The following PKP4 variants were observed in gnomAD, a reference collection of about 807,000 sequenced individuals.
PKP4 encodes the protein plakophilin 4, also known as plakophilin-4.
PKP4 carries 90 observed loss-of-function variants against 145.1 expected under a neutral mutation model. The observed-to-expected ratio is 0.62, with a 90% CI of 0.52 to 0.74. The LOEUF (loss-of-function observed/expected upper bound fraction) is 0.74, where lower values mean the gene tolerates loss of function less well. Among genes scored for constraint, PKP4 ranks in the 30% least tolerant of loss-of-function variants. The probability of loss-of-function intolerance (pLI) is 0.00; values close to 1 mark genes in which losing one functional copy is unlikely to be tolerated. For missense variants in PKP4, 1,340 were observed against 1,482.7 expected, an observed-to-expected ratio of 0.90 and a Z score of 1.58; for synonymous variants, 563 against 577.2, an observed-to-expected ratio of 0.98 and a Z score of 0.35.
intron 1 of PKP4, among the ~76,000 whole-genome samples, chr2:158,494,426 T>C (rs2105473874): frequency 6.6e-6 from 1 of 152,302 alleles, no homozygotes; most frequent in South Asian, 2.1e-4. Flanking sequence ...GTGTTAGTTA[T>C]TTGAAAGTAG....
intron 6 of PKP4, among the ~76,000 whole-genome samples, 194 bp downstream of exon 6, chr2:158,621,615 G>T (rs371830800): frequency 6.6e-6 from 1 of 151,882 alleles, no homozygotes; most frequent in Admixed American, 6.6e-5. Flanking sequence ...GCGTGGTGGC[G>T]GGCGCCTGTA....
chr2:158,511,273 C>A lies in PKP4; in HGVS notation c.-5-21907C>A, dbSNP rs567301254. On this transcript the variant is annotated intron_variant, in intron 1 of 21. Coordinates refer to ENST00000389759, the MANE Select transcript of PKP4 (RefSeq NM_003628.6). ...TGGTGGCACACACCTGTAATCCCAG[C>A]TACTTGGGAGGCTGAGGCAGGAGAA... Among the ~76,000 whole-genome samples the A allele has an allele frequency of 2.0e-4, 30 of 152,222 alleles. No homozygotes were observed. In the Middle Eastern group the frequency reaches 0.014, roughly 70 times the overall value.
intron 2 of PKP4, among the ~76,000 whole-genome samples, chr2:158,570,084 G>A (rs2047297366): frequency 6.6e-6 from 1 of 152,206 alleles, no homozygotes; most frequent in African/African-American, 2.4e-5. Flanking sequence ...GGACTACCAA[G>A]TAGACATAAT....
At chr2:158,566,216 G>A (rs1217140760) in intron 2 of PKP4, among the ~76,000 whole-genome samples, 1 of 152,106 alleles carries the variant, frequency 6.6e-6, no homozygotes, top group African/African-American at 2.4e-5. Context: ...CTATTCTGTA[G>A]TGCAATTTAT....
At chr2:158,670,303 G>A (rs975796276) in intron 17 of PKP4, among the ~76,000 whole-genome samples, 8 of 152,132 alleles carry the variant, frequency 5.3e-5, no homozygotes, top group African/African-American at 1.4e-4. Flanking sequence ...TGAGGGCCCC[G>A]ATTCTGGTTC....
rs752663927 is a variant in PKP4 at position 158,673,765 on chromosome 2, AC to A, written c.3009+6del. The A allele has an allele frequency of 4.4e-6, 7 of 1,591,874 alleles. No individual in the cohort carries two copies. Among genetic ancestry groups the A allele is most frequent in the Non-Finnish European group, 6.0e-6 (7 of 1,159,652 alleles). On this transcript the variant is annotated splice_donor_5th_base_variant and intron_variant, in intron 18 of 21. Coordinates refer to ENST00000389759, the MANE Select transcript of PKP4 (RefSeq NM_003628.6). ...CCTCCGGAGCATTTATAAAAAGGTAACCTACAAGAATAGCTCTGGCATAATT... is the reference window on the plus strand; with the variant it reads ...CCTCCGGAGCATTTATAAAAAGGTAACTACAAGAATAGCTCTGGCATAATT...
At chr2:158,519,648 A>G (rs571497049) in intron 1 of PKP4, among the ~76,000 whole-genome samples, 3 of 152,216 alleles carry the variant, frequency 2.0e-5, no homozygotes, top group Non-Finnish European at 4.4e-5. Context: ...GCCTTACCAA[A>G]GGTCTATAGC....
chr2:158,463,862 C>G (rs1039180048), intron 1 of PKP4, among the ~76,000 whole-genome samples: 2 of 152,226 alleles, frequency 1.3e-5, no homozygotes. Context: ...TGTGACCCCT[C>G]TGTGGCTGAG....
intron 11 of PKP4, among the ~76,000 whole-genome samples, chr2:158,656,723 G>C (rs918895250): frequency 1.3e-5 from 2 of 152,178 alleles, no homozygotes; most frequent in Non-Finnish European, 2.9e-5. Context: ...ACAGCACATG[G>C]ACAGGCCTGG....
At chr2:158,521,168 A>G (rs142294294) in intron 1 of PKP4, among the ~76,000 whole-genome samples, 2 of 152,320 alleles carry the variant, frequency 1.3e-5, no homozygotes, top group East Asian at 3.9e-4. Flanking sequence ...ATGGATTCCA[A>G]GGAGTGGTTC....
intron 1 of PKP4, among the ~76,000 whole-genome samples, chr2:158,499,842 G>A (rs1002529378): frequency 6.6e-6 from 1 of 152,126 alleles, no homozygotes; most frequent in Admixed American, 6.6e-5. Context: ...AATGATGTTG[G>A]GACATACAGA....
chr2:158,547,248 CA>C (rs1370052880), intron 2 of PKP4, among the ~76,000 whole-genome samples: 1 of 152,164 alleles, frequency 6.6e-6, no homozygotes, highest in Non-Finnish European at 1.5e-5. Context: ...CTGTTATTCA[CA>C]AATACCCACC....
At chr2:158,491,990 G>A (rs767776066) in intron 1 of PKP4, among the ~76,000 whole-genome samples, 29 of 152,030 alleles carry the variant, frequency 1.9e-4, no homozygotes, top group Non-Finnish European at 3.2e-4. Context: ...TAAATGTTTT[G>A]TAGAGATGAT....
chr2:158,626,525 G>T lies in PKP4; in HGVS notation c.1153+1098G>T, dbSNP rs1292122487. On this transcript the variant is annotated intron_variant, in intron 7 of 21. Coordinates refer to ENST00000389759, the MANE Select transcript of PKP4 (RefSeq NM_003628.6). ...TAAGTACTAGGGTAACTGGGATCCA[G>T]TAGAATTGCTGCATCAAAATATATG... 2.0e-5 allele frequency among the ~76,000 whole-genome samples: 3 copies of T among 152,206 alleles called. No homozygotes were observed. In the East Asian group the frequency reaches 5.8e-4, roughly 29 times the overall value.
At position 158,673,700 on chromosome 2, in the gene PKP4, C is replaced by T. The variant is rs144705553; in HGVS notation, c.2948C>T (p.Ala983Val). 31 of 1,612,570 alleles carry T rather than the reference C, an allele frequency of 1.9e-5. No individual in the cohort carries two copies. In the African/African-American group the frequency reaches 3.9e-4, roughly 20 times the overall value. Residue 983 changes from alanine to valine, a missense_variant, in exon 18 of 22, where the codon GCA (alanine) becomes GTA (valine). Transcript: ENST00000389759. ...AGATCATCTCTGAAAGTGGTGAAGGCAGCAGCCCAGGTCTTGAATACATTA... is the reference window on the plus strand; with the variant it reads ...AGATCATCTCTGAAAGTGGTGAAGGTAGCAGCCCAGGTCTTGAATACATTA... ...GDRSSLKVVK[A>V]AAQVLNTLWQ...
chr2:158,678,483 T>A, intron 20 of PKP4, 98 bp from the exon 21 acceptor site: 1 of 835,948 alleles, frequency 1.2e-6, no homozygotes, highest in Non-Finnish European at 2.1e-6. Flanking sequence ...ACAGGCCCTG[T>A]CGGGGACAGT....
chr2:158,608,762 T>C (rs1186607916), intron 4 of PKP4, among the ~76,000 whole-genome samples: 2 of 151,744 alleles, frequency 1.3e-5, no homozygotes, highest in Non-Finnish European at 2.9e-5. Flanking sequence ...GAGTAGCAAA[T>C]TGAAAATTTA....
chr2:158,637,516 A>C (rs1222963763), intron 9 of PKP4, among the ~76,000 whole-genome samples: 1 of 152,124 alleles, frequency 6.6e-6, no homozygotes, highest in Non-Finnish European at 1.5e-5. Flanking sequence ...CCACTTTGGC[A>C]CCCACAAATT....
intron 20 of PKP4, among the ~76,000 whole-genome samples, chr2:158,677,702 C>A (rs925498968): frequency 2.6e-5 from 4 of 152,084 alleles, no homozygotes; most frequent in African/African-American, 9.7e-5. Context: ...ATTTACTAAT[C>A]GACTGTTGTT....
Sources: allele counts gnomAD v4.1 joint callset (sites outside exome capture counted in the v4.1 genomes callset), GRCh38; gene constraint gnomAD v4.1.1; transcripts MANE v1.5; gene names NCBI Gene and HGNC (gene_info 2026-07-23, HGNC 2026-07-21).